The following XKR5 variants were observed in gnomAD, a reference collection of about 807,000 sequenced individuals.
The protein encoded by XKR5 is XK related 5, also known as XK-related protein 5.
In XKR5, 46 loss-of-function variants were observed where a neutral mutation model predicts 40.8. The ratio of observed to expected loss-of-function variants is 1.13; its 90% confidence interval spans 0.89 to 1.44. XKR5 has a LOEUF of 1.44. Ranked by LOEUF, XKR5 falls within the 40% of genes most tolerant of loss-of-function variation. The pLI, the probability that XKR5 is intolerant of heterozygous loss-of-function variation, is 0.00. For synonymous variants in XKR5, 466 were observed against 356.1 expected, an observed-to-expected ratio of 1.31 and a Z score of -3.48; for missense variants, 1,169 against 844.7, an observed-to-expected ratio of 1.38 and a Z score of -4.76.
intron 6 of XKR5, among the ~76,000 whole-genome samples, chr8:6,813,812 C>G (rs981867827): frequency 7.9e-5 from 12 of 152,244 alleles, no homozygotes; most frequent in Non-Finnish European, 1.0e-4. Context: ...AAAATGTCTT[C>G]TCACTGGAGT....
chr8:6,815,973 A>C (rs897131632), intron 5 of XKR5, 55 bp from the exon 6 acceptor site: 19 of 1,385,110 alleles, frequency 1.4e-5, no homozygotes, highest in Non-Finnish European at 1.9e-5. Context: ...CTGCCTAGGG[A>C]CCCCCGTCCC....
Position 6,823,629 on chromosome 8 carries a change from C to CCCATGGCATGGCCAGGTGGCCTGG in XKR5, c.505_528dup (p.Pro169_Trp176dup), listed in dbSNP as rs1338156755. On this transcript the variant is annotated inframe_insertion, in exon 4 of 7. Transcript: ENST00000618742. ...CAGAGCTGCTGGCAGAAGAGGGCGG[C>CCCATGGCATGGCCAGGTGGCCTGG]CCATGGCATGGCCAGGTGGCCTGGC... 6.3e-7 allele frequency: 1 copy of CCCATGGCATGGCCAGGTGGCCTGG among 1,593,608 alleles called. No individual in the cohort carries two copies. Among genetic ancestry groups the CCCATGGCATGGCCAGGTGGCCTGG allele is most frequent in the African/African-American group, 1.3e-5 (1 of 74,526 alleles).
chr8:6,828,498 G>C (rs1370859720), intron 2 of XKR5, among the ~76,000 whole-genome samples: 1 of 152,218 alleles, frequency 6.6e-6, no homozygotes, highest in South Asian at 2.1e-4. Context: ...GAGCTGTCTC[G>C]AACCCATTGC....
At chr8:6,832,153 GA>G (rs1804799062) in intron 2 of XKR5, among the ~76,000 whole-genome samples, 1 of 151,766 alleles carries the variant, frequency 6.6e-6, no homozygotes, top group Non-Finnish European at 1.5e-5. Context: ...TCTCAAAGTA[GA>G]AAAAAATCAG....
chr8:6,830,030 G>T (rs184082828), intron 2 of XKR5, among the ~76,000 whole-genome samples: 1 of 151,744 alleles, frequency 6.6e-6, no homozygotes, highest in Non-Finnish European at 1.5e-5. Flanking sequence ...GTAGAGACGG[G>T]GTTTCACCGT....
chr8:6,816,158 A>G (rs1803950462), intron 5 of XKR5, among the ~76,000 whole-genome samples: 1 of 152,132 alleles, frequency 6.6e-6, no homozygotes, highest in South Asian at 2.1e-4. Flanking sequence ...ATAAAGGCCC[A>G]GGAAATGTAA....
intron 1 of XKR5, 54 bp from the exon 2 acceptor site, chr8:6,832,954 G>C: frequency 7.0e-7 from 1 of 1,421,956 alleles, no homozygotes; most frequent in Non-Finnish European, 9.3e-7. Flanking sequence ...AGTGAGACTG[G>C]GTACCTGCAT....
chr8:6,827,813 C>A (rs971271597), intron 2 of XKR5, among the ~76,000 whole-genome samples: 2 of 152,160 alleles, frequency 1.3e-5, no homozygotes, highest in African/African-American at 4.8e-5. Context: ...AGAAATGAAT[C>A]CCAGCTTTTT....
At position 6,818,402 on chromosome 8, in the gene XKR5, T is replaced by G. The variant is rs539538393; in HGVS notation, c.808-2484A>C. Reference sequence around the variant, plus strand: ...CACTTCTCTGATCACAGTGGCTGCATGGATTTGCTTATGTCTTTGTGGCAC... The same window carrying G: ...CACTTCTCTGATCACAGTGGCTGCAGGGATTTGCTTATGTCTTTGTGGCAC... On this transcript the variant is annotated intron_variant, in intron 5 of 6. Coordinates refer to ENST00000618742, the MANE Select transcript of XKR5 (RefSeq NM_207411.5). 1.2e-4 allele frequency among the ~76,000 whole-genome samples: 18 copies of G among 152,344 alleles called. No homozygotes were observed. The South Asian group carries it at 3.5e-3, about 30-fold the overall frequency.
At chr8:6,821,067 A>T (rs1453571429) in intron 5 of XKR5, among the ~76,000 whole-genome samples, 2 of 152,230 alleles carry the variant, frequency 1.3e-5, no homozygotes, top group African/African-American at 4.8e-5. Context: ...GGGGTGACTT[A>T]TTCCTAGCGT....
In XKR5 at chr8:6,811,237, G is replaced by A; in HGVS notation, c.2022C>T (p.Cys674=). The change falls in exon 7 of 7, where the codon TGC becomes TGT. Residue 674 remains cysteine, a synonymous_variant. Coordinates refer to ENST00000618742, the MANE Select transcript of XKR5 (RefSeq NM_207411.5). ...KSESIQTDCS[C]REQMKQEPSF... is the part of the protein sequence containing the mutation. Reference sequence around the variant, plus strand: ...TCGGCTCTTGCTTCATCTGTTCCCTGCAGCTGCAGTCCGTTTGGATAGACT... The same window carrying A: ...TCGGCTCTTGCTTCATCTGTTCCCTACAGCTGCAGTCCGTTTGGATAGACT... 1.3e-6 allele frequency: 2 copies of A among 1,537,272 alleles called. No homozygotes were observed. The highest frequency in any genetic ancestry group is 1.7e-6 in the Non-Finnish European group (2 of 1,146,910).
At chr8:6,819,920 C>T (rs1055008854) in intron 5 of XKR5, among the ~76,000 whole-genome samples, 1 of 149,286 alleles carries the variant, frequency 6.7e-6, no homozygotes, top group Non-Finnish European at 1.5e-5. Context: ...TGCTCTCTTG[C>T]CCCCGATGTC....
chr8:6,835,052 G>A (rs1171169082), intron 1 of XKR5, among the ~76,000 whole-genome samples: 1 of 152,196 alleles, frequency 6.6e-6, no homozygotes, highest in African/African-American at 2.4e-5. Flanking sequence ...GCACATCTTG[G>A]CATCGCAGCA....
At chr8:6,833,047 A>C in intron 1 of XKR5, 147 bp from the exon 2 acceptor site, 1 of 740,802 alleles carries the variant, frequency 1.3e-6, no homozygotes, top group Non-Finnish European at 2.0e-6. Context: ...TGTCCCTCCC[A>C]AGGCTAGCAA....
chr8:6,830,918 G>A (rs943441656), intron 2 of XKR5, among the ~76,000 whole-genome samples: 4 of 152,210 alleles, frequency 2.6e-5, no homozygotes, highest in Non-Finnish European at 5.9e-5. Context: ...GTGGTCCCCT[G>A]GCAGCCCTCA....
At chr8:6,825,377 C>G in intron 2 of XKR5, 28 bp from the exon 3 acceptor site, 1 of 1,490,752 alleles carries the variant, frequency 6.7e-7, no homozygotes, top group Non-Finnish European at 8.9e-7. Flanking sequence ...GCACGTGACA[C>G]GGAGCCAGGC....
At chr8:6,815,203 G>A (rs574060388) in intron 6 of XKR5, among the ~76,000 whole-genome samples, 4 of 152,322 alleles carry the variant, frequency 2.6e-5, no homozygotes, top group South Asian at 2.1e-4. Flanking sequence ...GAATCCCTGC[G>A]GAACTCATGC....
At chr8:6,832,921 C>T in intron 1 of XKR5, 21 bp from the exon 2 acceptor site, 5 of 1,534,486 alleles carry the variant, frequency 3.3e-6, no homozygotes, top group Non-Finnish European at 4.4e-6. Flanking sequence ...AGGGGAAAGG[C>T]AAGCAGGTTG....
intron 6 of XKR5, among the ~76,000 whole-genome samples, chr8:6,812,610 TCA>T (rs1803785181): frequency 6.6e-6 from 1 of 152,188 alleles, no homozygotes; most frequent in Non-Finnish European, 1.5e-5. Context: ...CAGCTCCAGT[TCA>T]GTCATCTACG....
Sources: allele counts gnomAD v4.1 joint callset (sites outside exome capture counted in the v4.1 genomes callset), GRCh38; gene constraint gnomAD v4.1.1; transcripts MANE v1.5; gene names NCBI Gene and HGNC (gene_info 2026-07-23, HGNC 2026-07-21).